Variants in ARHGAP28 observed in about 807,000 individuals in gnomAD.
ARHGAP28 encodes rho GTPase-activating protein 28.
ARHGAP28 carries 56 observed loss-of-function variants against 90.7 expected under a neutral mutation model. The ratio of observed to expected loss-of-function variants is 0.62; its 90% confidence interval spans 0.50 to 0.77. ARHGAP28 has a LOEUF of 0.77. ARHGAP28 is among the 30% of genes least tolerant of loss of function. The pLI is 0.00. For missense variants in ARHGAP28, 869 were observed against 900.9 expected (o/e 0.96, Z 0.45); for synonymous variants, 308 against 323.3 (o/e 0.95, Z 0.51).
At chr18:6,908,823 T>C in intron 16 of ARHGAP28, 137 bp from the exon 17 acceptor site, 1 of 638,226 alleles carries the variant, frequency 1.6e-6, no homozygotes, top group Non-Finnish European at 2.8e-6. Flanking sequence ...TTATCATAAC[T>C]TCAGTCATGA....
At chr18:6,741,600 G>A (rs1000949806) in intron 1 of ARHGAP28, among the ~76,000 whole-genome samples, 14 of 152,132 alleles carry the variant, frequency 9.2e-5, no homozygotes, top group African/African-American at 3.4e-4. Flanking sequence ...CTCTTATCCA[G>A]ATGATAAAAA....
intron 1 of ARHGAP28, among the ~76,000 whole-genome samples, chr18:6,823,644 G>T (rs2056641234): frequency 6.7e-6 from 1 of 149,530 alleles, no homozygotes; most frequent in Non-Finnish European, 1.5e-5. Context: ...TTTTATTTAG[G>T]GACATATTTA....
At chr18:6,803,665 A>G (rs984070973) in intron 1 of ARHGAP28, among the ~76,000 whole-genome samples, 1 of 152,126 alleles carries the variant, frequency 6.6e-6, no homozygotes, top group African/African-American at 2.4e-5. Flanking sequence ...TTTTAAGAAG[A>G]AAAATAATAA....
At chr18:6,809,512 G>A (rs1276261787) in intron 1 of ARHGAP28, among the ~76,000 whole-genome samples, 2 of 152,212 alleles carry the variant, frequency 1.3e-5, no homozygotes. Flanking sequence ...TGCTTCTGGG[G>A]AGGCCTCATG....
chr18:6,908,896 C>A, intron 16 of ARHGAP28, 64 bp from the exon 17 acceptor site: 1 of 935,432 alleles, frequency 1.1e-6, no homozygotes, highest in Non-Finnish European at 1.7e-6. Context: ...GGTTATTTAA[C>A]ATGCATTTTT....
rs757475108 is a variant in ARHGAP28 at position 6,912,064 on chromosome 18, G to A, written c.2100G>A (p.Glu700=). The change falls in exon 18 of 18, where the codon GAG becomes GAA. Residue 700 remains glutamate, a synonymous_variant. Transcript: ENST00000383472. ...RLYEIGGNIG[E]HCLDPDAYIL... Reference sequence around the variant, plus strand: ...TGATCTTTCTCTTTCTTTTAGGAGAGCATTGCTTGGATCCAGATGCTTATA... The same window carrying A: ...TGATCTTTCTCTTTCTTTTAGGAGAACATTGCTTGGATCCAGATGCTTATA... 5.0e-6 allele frequency: 8 copies of A among 1,596,426 alleles called. No homozygotes were observed. Among genetic ancestry groups the A allele is most frequent in the Middle Eastern group, 1.7e-4 (1 of 6,004 alleles).
At chr18:6,819,343 A>T (rs1473117150) in intron 1 of ARHGAP28, among the ~76,000 whole-genome samples, 1 of 152,200 alleles carries the variant, frequency 6.6e-6, no homozygotes, top group East Asian at 1.9e-4. Flanking sequence ...GAATAAATAT[A>T]AAAATCTATA....
chr18:6,739,645 TTCTCTCTCTCTC>T (rs138884918), intron 1 of ARHGAP28, among the ~76,000 whole-genome samples: 7 of 144,978 alleles, frequency 4.8e-5, no homozygotes, highest in African/African-American at 1.5e-4. Context: ...TGACTAAGCT[TTCTCTCTCTCTC>T]TCTCTCTCTC....
intron 4 of ARHGAP28, among the ~76,000 whole-genome samples, chr18:6,858,100 C>A (rs1377155553): frequency 6.6e-6 from 1 of 152,126 alleles, no homozygotes; most frequent in South Asian, 2.1e-4. Flanking sequence ...TGTACTCAAA[C>A]TAGGAATTCA....
intron 2 of ARHGAP28, among the ~76,000 whole-genome samples, chr18:6,828,177 C>T (rs2056688184): frequency 1.3e-5 from 2 of 152,170 alleles, no homozygotes; most frequent in Admixed American, 6.5e-5. Flanking sequence ...AGTGAAACCC[C>T]GTCTCCACCA....
chr18:6,879,949 T>C (rs1458660426), intron 10 of ARHGAP28, among the ~76,000 whole-genome samples: 2 of 152,232 alleles, frequency 1.3e-5, no homozygotes, highest in Non-Finnish European at 2.9e-5. Context: ...GGTGCCCTGT[T>C]GCCCCTTAGG....
At chr18:6,822,062 T>A (rs952452420) in intron 1 of ARHGAP28, among the ~76,000 whole-genome samples, 1 of 152,170 alleles carries the variant, frequency 6.6e-6, no homozygotes, top group Non-Finnish European at 1.5e-5. Context: ...AAAAAGTGTC[T>A]GCATGTTTTT....
chr18:6,732,272 T>C (rs1263343144), intron 1 of ARHGAP28, among the ~76,000 whole-genome samples: 1 of 152,182 alleles, frequency 6.6e-6, no homozygotes. Flanking sequence ...ATAGCCAAGA[T>C]AAAATGGTGG....
At position 6,847,961 on chromosome 18, in the gene ARHGAP28, C is replaced by A. The variant is rs149323999; in HGVS notation, c.544-3073C>A. Among the ~76,000 whole-genome samples, 277 of 152,222 alleles carry A rather than the reference C, an allele frequency of 1.8e-3. 1 individual carries two copies. Among genetic ancestry groups the A allele is most frequent in the African/African-American group, 6.3e-3 (263 of 41,546 alleles). ...GTAATGTAGGACAAGATTAATTCCT[C>A]CAGCAACAAACTGTTTCTACCAGGA... On this transcript the variant is annotated intron_variant, in intron 3 of 17. Transcript: ENST00000383472.
chr18:6,855,689 T>G (rs1418450786), intron 4 of ARHGAP28, among the ~76,000 whole-genome samples: 1 of 152,214 alleles, frequency 6.6e-6, no homozygotes, highest in African/African-American at 2.4e-5. Flanking sequence ...TGTGTCCCTT[T>G]GGGGAGCCCA....
At chr18:6,815,911 T>A (rs1041483938) in intron 1 of ARHGAP28, among the ~76,000 whole-genome samples, 4 of 152,084 alleles carry the variant, frequency 2.6e-5, no homozygotes, top group African/African-American at 9.7e-5. Flanking sequence ...CATTGTTTTT[T>A]TTTTTTTAAA....
chr18:6,870,890 T>C lies in ARHGAP28; in HGVS notation c.954+158T>C, dbSNP rs536208161. On this transcript the variant is annotated intron_variant, in intron 7 of 17. Transcript: ENST00000383472. ...ATCTCGGCTCACTGCAAGCTCTGCC[T>C]CCCGGGTTCACGCCATTCTCCTGCC... 2.6e-4 allele frequency among the ~76,000 whole-genome samples: 40 copies of C among 152,052 alleles called. No individual in the cohort carries two copies. In the East Asian group the frequency reaches 5.4e-3, roughly 21 times the overall value.
Position 6,898,552 on chromosome 18 carries a change from T to C in ARHGAP28, c.2030+1926T>C, listed in dbSNP as rs182489501. On this transcript the variant is annotated intron_variant, in intron 16 of 17. Transcript: ENST00000383472. The stretch of plus-strand genomic sequence containing the variant: ...CCCAAACATGTATTCCTCTTCACTA[T>C]TGGCCTGGACATCTCCACATAGGCA... 8.1e-6 allele frequency: 13 copies of C among 1,613,836 alleles called. No individual in the cohort carries two copies. In the East Asian group the frequency reaches 2.0e-4, roughly 25 times the overall value.
chr18:6,887,949 A>G (rs370764260), intron 12 of ARHGAP28, among the ~76,000 whole-genome samples: 6 of 152,254 alleles, frequency 3.9e-5, no homozygotes, highest in African/African-American at 1.4e-4. Context: ...CTGAAGTGGA[A>G]AGAAAACTCT....
Sources: allele counts gnomAD v4.1 joint callset (sites outside exome capture counted in the v4.1 genomes callset), GRCh38; gene constraint gnomAD v4.1.1; transcripts MANE v1.5; gene names NCBI Gene and HGNC (gene_info 2026-07-23, HGNC 2026-07-21).